Variants in CFAP54 observed in about 807,000 individuals in gnomAD.
CFAP54 encodes the protein cilia- and flagella-associated protein 54.
In CFAP54, 290 loss-of-function variants were observed where a neutral mutation model predicts 370.4. The ratio of observed to expected loss-of-function variants is 0.78; its 90% CI spans 0.71 to 0.86. The LOEUF is 0.86. CFAP54 is among the 40% of genes least tolerant of loss of function. The pLI is 0.00. For synonymous variants in CFAP54, 1,206 were observed against 1,236.5 expected (o/e 0.98, Z 0.52); for missense variants, 3,399 against 3,528.7 (o/e 0.96, Z 0.93).
chr12:96,501,918 A>C (rs1385039787), intron 2 of CFAP54, among the ~76,000 whole-genome samples: 1 of 152,232 alleles, frequency 6.6e-6, no homozygotes, highest in Non-Finnish European at 1.5e-5. Context: ...AGCTACAGAA[A>C]AGAAACCTGG....
chr12:96,720,327 A>G (rs555634802), intron 49 of CFAP54, 78 bp from the exon 50 acceptor site: 13 of 1,220,602 alleles, frequency 1.1e-5, no homozygotes, highest in East Asian at 2.9e-5. Flanking sequence ...CAGTACATGA[A>G]AAATATTTGC....
intron 51 of CFAP54, 39 bp downstream of exon 51, chr12:96,740,100 A>G (rs1958034447): frequency 3.6e-6 from 4 of 1,105,214 alleles, no homozygotes; most frequent in Non-Finnish European, 5.4e-6. Context: ...AATACTTATC[A>G]TATAAGAACT....
At chr12:96,802,178 CTAG>C (rs1297812386) in intron 63 of CFAP54, among the ~76,000 whole-genome samples, 1 of 152,040 alleles carries the variant, frequency 6.6e-6, no homozygotes, top group African/African-American at 2.4e-5. Flanking sequence ...CTATGCATAC[CTAG>C]AACAATACCC....
chr12:96,740,732 T>C (rs146366702), intron 51 of CFAP54, among the ~76,000 whole-genome samples: 169 of 152,320 alleles, frequency 1.1e-3, no homozygotes, highest in African/African-American at 3.8e-3. Flanking sequence ...ATAAAAATGC[T>C]AAAAAGCAAT....
rs1363267142 is a variant in CFAP54 at position 96,489,853 on chromosome 12, T to A, written c.244T>A (p.Leu82Met). Reference sequence around the variant, plus strand: ...CTCTTGTGAGAAGGAGATCCAGGAGTTGTTAGGCTTTATGAGGAAAAAGAA... The same window carrying A: ...CTCTTGTGAGAAGGAGATCCAGGAGATGTTAGGCTTTATGAGGAAAAAGAA... ...LASCEKEIQE[L>M]LGFMRKKKAL... The change falls in exon 1 of 68, where the codon TTG (leucine) becomes ATG (methionine). Residue 82 changes from leucine to methionine, a missense_variant. Around this residue, in one of 3 missense-constraint regions of CFAP54, gnomAD observed 559 missense variants for 576.7 expected, o/e 0.97. Transcript: ENST00000524981. The A allele has an allele frequency of 6.5e-7, 1 of 1,535,262 alleles. No individual in the cohort carries two copies. The highest frequency in any genetic ancestry group is 2.0e-5 in the Admixed American group (1 of 50,916).
In CFAP54 at chr12:96,739,983, A is replaced by T. The variant is rs778666631; in HGVS notation, c.6993A>T (p.Thr2331=). The change falls in exon 51 of 68, where the codon ACA becomes ACT. Residue 2331 remains threonine, a synonymous_variant. Coordinates refer to ENST00000524981, the MANE Select transcript of CFAP54 (RefSeq NM_001306084.2). The stretch of plus-strand genomic sequence containing the variant: ...CTGCAATAGTATTTTCTACACTTAC[A>T]CTTCTCCAGGATTCAAAACTTTTTG... ...YSAAIVFSTL[T]LLQDSKLFEK... 1.9e-5 allele frequency: 30 copies of T among 1,594,658 alleles called. No individual in the cohort carries two copies. Among genetic ancestry groups the T allele is most frequent in the Non-Finnish European group, 2.5e-5 (29 of 1,165,140 alleles).
At chr12:96,754,748 A>AT (rs111320723) in intron 56 of CFAP54, among the ~76,000 whole-genome samples, 4,571 of 143,432 alleles carry the variant, frequency 0.032, 191 homozygotes, top group African/African-American at 0.099. Context: ...TAGTGCCTAC[A>AT]TTTTTTTTTT....
chr12:96,831,773 T>A (rs1478807611), intron 66 of CFAP54, among the ~76,000 whole-genome samples: 2 of 152,242 alleles, frequency 1.3e-5, no homozygotes, highest in African/African-American at 2.4e-5. Flanking sequence ...TCTTGGTCAC[T>A]GGTTCTTGAG....
rs528859245 is a variant in CFAP54 at position 96,587,769 on chromosome 12, T to C, written c.3076-1658T>C. ...TGCTTACACACATTATTGCTTTCCA[T>C]GATAAACCTTAATAATTATATATTT... is the stretch of plus-strand genomic sequence containing the variant. On this transcript the variant is annotated intron_variant, in intron 22 of 67. Transcript: ENST00000524981. Among the ~76,000 whole-genome samples, 460 of 152,290 alleles carry C rather than the reference T, an allele frequency of 3.0e-3. 4 individuals carry two copies. The highest frequency in any genetic ancestry group is 0.01 in the African/African-American group (421 of 41,578).
At chr12:96,729,196 T>C (rs1469554805) in intron 50 of CFAP54, among the ~76,000 whole-genome samples, 3 of 152,194 alleles carry the variant, frequency 2.0e-5, no homozygotes. Flanking sequence ...GGAGAACCAC[T>C]GCTCCCTTCA....
chr12:96,850,354 G>A (rs1478364202), intron 66 of CFAP54, among the ~76,000 whole-genome samples: 1 of 146,614 alleles, frequency 6.8e-6, no homozygotes, highest in Non-Finnish European at 1.5e-5. Context: ...AAAAAAAATA[G>A]CACTGAGCCA....
intron 64 of CFAP54, among the ~76,000 whole-genome samples, chr12:96,816,977 A>C (rs534393009): frequency 6.6e-6 from 1 of 150,896 alleles, no homozygotes; most frequent in Non-Finnish European, 1.5e-5. Context: ...CACCCTCTTC[A>C]CTCCCATTCC....
Position 96,554,265 on chromosome 12 carries a change from C to G in CFAP54, c.2238C>G (p.Thr746=). 6.5e-7 allele frequency: 1 copy of G among 1,528,478 alleles called. No homozygotes were observed. The highest frequency in any genetic ancestry group is 8.7e-7 in the Non-Finnish European group (1 of 1,143,354). 94.7% of individuals were successfully genotyped at this position (1,528,478 alleles called of 1,614,324 possible). A position where few individuals can be genotyped will look rare whatever the true frequency, so the allele number is the denominator to read the frequency against. ...GAATAAATTTGAATTGCATGTTAAC[C>G]TCTTTGCCAAATGGATCATCAGTAA... ...IGGINLNCML[T]SLPNGSSVID... The change falls in exon 16 of 68, where the codon ACC becomes ACG. Residue 746 remains threonine, a synonymous_variant. Coordinates refer to ENST00000524981, the MANE Select transcript of CFAP54 (RefSeq NM_001306084.2).
chr12:96,709,197 C>T (rs1365638932), intron 48 of CFAP54, among the ~76,000 whole-genome samples: 2 of 152,228 alleles, frequency 1.3e-5, no homozygotes, highest in African/African-American at 4.8e-5. Flanking sequence ...AGGCCATGAT[C>T]ATCCCCCATG....
intron 2 of CFAP54, among the ~76,000 whole-genome samples, chr12:96,502,700 G>A (rs1293077764): frequency 1.3e-5 from 2 of 152,146 alleles, no homozygotes. Flanking sequence ...TGGGGATGAA[G>A]TTGTGGGGGA....
In CFAP54 at chr12:96,538,429, C is replaced by T; in HGVS notation, c.1837C>T (p.Leu613=). ...KEIVVDTIMF[L]WQKCKLGIQR... ...AATTGTTGTGGACACGATAATGTTC[C>T]TATGGCAGAAATGCAAATTAGGAAT... Residue 613 remains leucine, a synonymous_variant, in exon 13 of 68, where the codon CTA becomes TTA. Transcript: ENST00000524981. 6.5e-7 allele frequency: 1 copy of T among 1,535,830 alleles called. No individual in the cohort carries two copies. The highest frequency in any genetic ancestry group is 8.7e-7 in the Non-Finnish European group (1 of 1,146,728).
rs1282132962 is a variant in CFAP54 at position 96,727,729 on chromosome 12, C to G, written c.6965+7164C>G. Among the ~76,000 whole-genome samples the G allele has an allele frequency of 6.1e-3, 919 of 151,662 alleles. 9 individuals carry two copies. Among genetic ancestry groups the G allele is most frequent in the African/African-American group, 0.021 (868 of 41,288 alleles). The stretch of plus-strand genomic sequence containing the variant: ...TTTGGTCCTGTCATTATGATGTTAG[C>G]TGGTTATTTTGCTCGTTAGTTGATG... On this transcript the variant is annotated intron_variant, in intron 50 of 67. Coordinates refer to ENST00000524981, the MANE Select transcript of CFAP54 (RefSeq NM_001306084.2).
intron 39 of CFAP54, among the ~76,000 whole-genome samples, chr12:96,678,048 G>A (rs1245612758): frequency 6.6e-6 from 1 of 152,088 alleles, no homozygotes; most frequent in Admixed American, 6.5e-5. Context: ...GTCCTTTGGT[G>A]AATCATCTGG....
At chr12:96,773,390 A>C (rs1298995325) in intron 60 of CFAP54, among the ~76,000 whole-genome samples, 1 of 152,222 alleles carries the variant, frequency 6.6e-6, no homozygotes, top group African/African-American at 2.4e-5. Context: ...ACCCAGTTCC[A>C]CCTCCAAGTC....
Sources: allele counts gnomAD v4.1 joint callset (sites outside exome capture counted in the v4.1 genomes callset), GRCh38; gene constraint gnomAD v4.1.1; regional missense constraint gnomAD v4.1.1; transcripts MANE v1.5; gene names NCBI Gene and HGNC (gene_info 2026-07-23, HGNC 2026-07-21).